TTF2: variants seen among roughly 807,000 people sequenced by gnomAD.
The protein encoded by TTF2 is transcription termination factor 2, also known as RNA polymerase II termination factor.
In TTF2, 108 loss-of-function variants were observed where a neutral mutation model predicts 142.4. That is an observed-to-expected ratio of 0.76 (90% CI 0.65 to 0.89). The LOEUF is 0.89. Among genes scored for constraint, TTF2 ranks in the 40% least tolerant of loss-of-function variants. TTF2 has a pLI of 0.00. For synonymous variants in TTF2, 483 were observed against 506.2 expected (o/e 0.95, Z 0.61); for missense variants, 1,327 against 1,379.8 (o/e 0.96, Z 0.61).
Position 117,070,010 on chromosome 1 carries a change from G to T in TTF2, c.219-3651G>T, listed in dbSNP as rs1051893545. On this transcript the variant is annotated intron_variant, in intron 3 of 22. Transcript: ENST00000369466. This position sits in a 1 kb window ranked among gnomAD's most constrained non-coding sequence, Gnocchi z 4.2. ...AAAATATATTTCCACTGCATTCTTT[G>T]TTGATTTACAATATAATAAAACGTA... Among the ~76,000 whole-genome samples the T allele has an allele frequency of 2.1e-4, 32 of 152,116 alleles. No homozygotes were observed. The highest frequency in any genetic ancestry group is 1.4e-3 in the South Asian group (7 of 4,830).
chr1:117,071,094 A>G (rs772499920), intron 3 of TTF2, among the ~76,000 whole-genome samples: 1 of 152,206 alleles, frequency 6.6e-6, no homozygotes, highest in Non-Finnish European at 1.5e-5. Flanking sequence ...CTAATAAAGA[A>G]AATCAGAGGC....
Position 117,090,439 on chromosome 1 carries a change from G to A in TTF2, c.2497-93G>A, listed in dbSNP as rs1648466024. 4.7e-6 allele frequency: 6 copies of A among 1,264,924 alleles called. No homozygotes were observed. Among genetic ancestry groups the A allele is most frequent in the Non-Finnish European group, 6.8e-6 (6 of 885,792 alleles). The allele number at this position is 1,264,924 out of a possible 1,614,324, so 78.4% of individuals were successfully genotyped here. A position where few individuals can be genotyped will look rare whatever the true frequency, so the allele number is the denominator to read the frequency against. On this transcript the variant is annotated intron_variant, in intron 14 of 22. Transcript: ENST00000369466. The surrounding 1 kb of genome is among the most constrained non-coding windows in gnomAD (Gnocchi z 4.8). The stretch of plus-strand genomic sequence containing the variant: ...AGGGTGGAAGCTGCATTCCAGGGTT[G>A]ACTAGATATGCAGTGTCAGTATGGG...
In TTF2 at chr1:117,101,584, TAAC is replaced by T; in HGVS notation, c.*64_*66del. The stretch of plus-strand genomic sequence containing the variant: ...GCTGGTTTGTATTAGGATCTGGGAA[TAAC>T]AACCTAACCATGAGCCTTGAACTCT... On this transcript the variant is annotated 3_prime_UTR_variant, in exon 23 of 23. Transcript: ENST00000369466. The surrounding 1 kb of genome is among the most constrained non-coding windows in gnomAD (Gnocchi z 5.9). The T allele has an allele frequency of 6.8e-7, 1 of 1,460,246 alleles. No homozygotes were observed. The highest frequency in any genetic ancestry group is 2.4e-5 in the East Asian group (1 of 41,300). The allele number at this position is 1,460,246 out of a possible 1,614,324, so 90.5% of individuals were successfully genotyped here. A position where few individuals can be genotyped will look rare whatever the true frequency, so the allele number is the denominator to read the frequency against.
At position 117,060,624 on chromosome 1, in the gene TTF2, C is replaced by T. The variant is rs1046774994; in HGVS notation, c.131+67C>T. The T allele has an allele frequency of 1.3e-5, 19 of 1,489,422 alleles. No individual in the cohort carries two copies. In the Admixed American group the frequency reaches 4.1e-4, roughly 32 times the overall value. The allele number at this position is 1,489,422 out of a possible 1,614,324, so 92.3% of individuals were successfully genotyped here. ...GCCTCCCGAGAGGAGCTTCCCGCTC[C>T]CCGCTGTCGGGCGTCACAGGGCCGA... On this transcript the variant is annotated intron_variant, in intron 2 of 22. Transcript: ENST00000369466.
chr1:117,066,415 A>G (rs1196677299), intron 3 of TTF2, among the ~76,000 whole-genome samples: 2 of 152,124 alleles, frequency 1.3e-5, no homozygotes, highest in Non-Finnish European at 2.9e-5. Context: ...GATGAGATGT[A>G]TTTCCTGGTA....
Position 117,086,476 on chromosome 1 carries a change from C to A in TTF2, c.2114C>A (p.Thr705Lys). 6.2e-7 allele frequency: 1 copy of A among 1,614,114 alleles called. No individual in the cohort carries two copies. The highest frequency in any genetic ancestry group is 1.3e-5 in the African/African-American group (1 of 75,038). Residue 705 changes from threonine to lysine, a missense_variant, in exon 12 of 23, where the codon ACA becomes AAA. By Grantham distance (78) the Thr-to-Lys change is moderately conservative. Coordinates refer to ENST00000369466, the MANE Select transcript of TTF2 (RefSeq NM_003594.4). This position sits in a 1 kb window ranked among gnomAD's most constrained non-coding sequence, Gnocchi z 4.2. ...TYSLVAKEIP[T>K]NKQEAEIPGA... ...AGCCTCGTGGCCAAGGAGATTCCCA[C>A]AAACAAGCAAGAGGCAGAGATCCCA... is the stretch of plus-strand genomic sequence containing the variant.
Position 117,096,295 on chromosome 1 carries a change from C to G in TTF2, c.3182C>G (p.Pro1061Arg), listed in dbSNP as rs771080229. ...GAGGCATTTAACCACTCCAGAGGCC[C>G]TCAGGTACAAGCTGGTCACATCAGA... ...LVEAFNHSRG[P>R]QVMLISLLAG... The change falls in exon 20 of 23, where the codon CCT becomes CGT. Residue 1061 changes from proline to arginine, a missense_variant. Physicochemically the swap from Pro to Arg is moderately radical, Grantham distance 103. Coordinates refer to ENST00000369466, the MANE Select transcript of TTF2 (RefSeq NM_003594.4). 6.2e-7 allele frequency: 1 copy of G among 1,613,980 alleles called. No individual in the cohort carries two copies. Among genetic ancestry groups the G allele is most frequent in the Admixed American group, 1.7e-5 (1 of 59,994 alleles).
rs367792724 is a variant in TTF2, at chr1:117,081,823, T to A, written c.1784-5T>A. 2 of 1,610,414 alleles carry A rather than the reference T, an allele frequency of 1.2e-6. No individual in the cohort carries two copies. Among genetic ancestry groups the A allele is most frequent in the Non-Finnish European group, 1.7e-6 (2 of 1,178,670 alleles). On this transcript the variant is annotated splice_polypyrimidine_tract_variant and splice_region_variant and intron_variant, in intron 9 of 22. Coordinates refer to ENST00000369466, the MANE Select transcript of TTF2 (RefSeq NM_003594.4). ...AACTCTCTTAATTTTGCTTTTATTTTCTAGCAGATGATATGGGCTTAGGAA... is the reference window on the plus strand; with the variant it reads ...AACTCTCTTAATTTTGCTTTTATTTACTAGCAGATGATATGGGCTTAGGAA...
rs566364743 is a variant in TTF2 at position 117,095,426 on chromosome 1, T to C, written c.3035+59T>C. 5.8e-5 allele frequency: 88 copies of C among 1,508,812 alleles called. 1 individual carries two copies. In the South Asian group the frequency reaches 7.5e-4, roughly 13 times the overall value. The allele number at this position is 1,508,812 out of a possible 1,614,324, so 93.5% of individuals were successfully genotyped here. A position where few individuals can be genotyped will look rare whatever the true frequency, so the allele number is the denominator to read the frequency against. On this transcript the variant is annotated intron_variant, in intron 19 of 22. Coordinates refer to ENST00000369466, the MANE Select transcript of TTF2 (RefSeq NM_003594.4). Reference sequence around the variant, plus strand: ...CATAATTATGTGAGAAAATTTGATATTGCCAAGAGTTATAAATCAAGGACT... The same window carrying C: ...CATAATTATGTGAGAAAATTTGATACTGCCAAGAGTTATAAATCAAGGACT...
chr1:117,094,803 C>T (rs956662024), intron 18 of TTF2: 21 of 369,388 alleles, frequency 5.7e-5, no homozygotes, highest in East Asian at 8.1e-5. Flanking sequence ...TGACAAGGAC[C>T]GTGATAATAG....
Position 117,103,975 on chromosome 1 carries a change from G to A in TTF2, c.*2451G>A, listed in dbSNP as rs914217446. The A allele has an allele frequency of 2.0e-5, 3 of 148,816 alleles. No individual in the cohort carries two copies. The highest frequency in any genetic ancestry group is 6.7e-5 in the Admixed American group (1 of 14,826). The allele number at this position is 148,816 out of a possible 1,614,324, so 9.2% of individuals were successfully genotyped here. ...TCAAAAAAAAAAAAAAAAAAAAAGA[G>A]AGAGAAAAAAATCCTTACTTTCTCT... is the stretch of plus-strand genomic sequence containing the variant. On this transcript the variant is annotated 3_prime_UTR_variant, in exon 23 of 23. Transcript: ENST00000369466.
chr1:117,075,180 G>A lies in TTF2; in HGVS notation c.596G>A (p.Gly199Glu), dbSNP rs1242664480. The A allele has an allele frequency of 6.2e-7, 1 of 1,614,054 alleles. No individual in the cohort carries two copies. The highest frequency in any genetic ancestry group is 2.2e-5 in the East Asian group (1 of 44,894). The change falls in exon 5 of 23, where the codon GGA becomes GAA. Residue 199 changes from glycine to glutamate, a missense_variant. By Grantham distance (98) the Gly-to-Glu change is moderately conservative. Coordinates refer to ENST00000369466, the MANE Select transcript of TTF2 (RefSeq NM_003594.4). The surrounding 1 kb of genome is among the most constrained non-coding windows in gnomAD (Gnocchi z 4.5). The stretch of plus-strand genomic sequence containing the variant: ...GTTCAAGAGAAGAAGCAAGAAGAGG[G>A]AGCAGAGATTCAGTGTGAGGCAGAG... ...SVVQEKKQEEGAEIQCEAETG... is the reference protein window; with the variant it reads ...SVVQEKKQEEEAEIQCEAETG...
chr1:117,065,348 T>C (rs6668254), intron 3 of TTF2, among the ~76,000 whole-genome samples: 8,439 of 152,268 alleles, frequency 0.055, 360 homozygotes, highest in African/African-American at 0.11. Flanking sequence ...GCGGCAATCC[T>C]AGCACTTTGG....
At position 117,103,272 on chromosome 1, in the gene TTF2, T is replaced by C. The variant is rs1649728057; in HGVS notation, c.*1748T>C. 6.6e-6 allele frequency: 1 copy of C among 152,214 alleles called. No homozygotes were observed. Among genetic ancestry groups the C allele is most frequent in the Non-Finnish European group, 1.5e-5 (1 of 68,042 alleles). The allele number at this position is 152,214 out of a possible 1,614,324, so 9.4% of individuals were successfully genotyped here. On this transcript the variant is annotated 3_prime_UTR_variant, in exon 23 of 23. Coordinates refer to ENST00000369466, the MANE Select transcript of TTF2 (RefSeq NM_003594.4). ...TATGACATGATCAAGGAATCTTTTTTTTTAAGCTACTGAGATTTCTGTGTT... is the reference window on the plus strand; with the variant it reads ...TATGACATGATCAAGGAATCTTTTTCTTTAAGCTACTGAGATTTCTGTGTT...
In TTF2 at chr1:117,092,049, C is replaced by G; in HGVS notation, c.2805+99C>G. 7.8e-6 allele frequency: 10 copies of G among 1,288,346 alleles called. No individual in the cohort carries two copies. The highest frequency in any genetic ancestry group is 2.5e-5 in the Admixed American group (1 of 40,778). 79.8% of individuals were successfully genotyped at this position (1,288,346 alleles called of 1,614,324 possible). The stretch of plus-strand genomic sequence containing the variant: ...CCAACTGGAATCCAGTCTGCTTGAT[C>G]AAAGGAAATGCTGTTTCGGTTTTTC... On this transcript the variant is annotated intron_variant, in intron 17 of 22. Transcript: ENST00000369466. The surrounding 1 kb of genome is among the most constrained non-coding windows in gnomAD (Gnocchi z 4.4).
In TTF2 at chr1:117,075,572, G is replaced by T. The variant is rs752510212; in HGVS notation, c.988G>T (p.Ala330Ser). 3.1e-6 allele frequency: 5 copies of T among 1,614,164 alleles called. No homozygotes were observed. The highest frequency in any genetic ancestry group is 4.2e-6 in the Non-Finnish European group (5 of 1,180,026). The change falls in exon 5 of 23, where the codon GCT (alanine) becomes TCT (serine). Residue 330 changes from alanine to serine, a missense_variant. Coordinates refer to ENST00000369466, the MANE Select transcript of TTF2 (RefSeq NM_003594.4). The surrounding 1 kb of genome is among the most constrained non-coding windows in gnomAD (Gnocchi z 4.5). ...TGTGCCTGCTCCTGGAGGACCAGCG[G>T]CTCAGGCTGCACCAGCAGCACCAGG... ...HSVPAPGGPAAQAAPAAPGLS... is the reference protein window; with the variant it reads ...HSVPAPGGPASQAAPAAPGLS...
At chr1:117,064,508 TTTTGTTTG>T (rs145922216) in intron 3 of TTF2, among the ~76,000 whole-genome samples, 4 of 151,432 alleles carry the variant, frequency 2.6e-5, no homozygotes, top group African/African-American at 9.7e-5. Flanking sequence ...ATAGTTTTAT[TTTTGTTTG>T]TTTGTTTGTT....
At position 117,087,707 on chromosome 1, in the gene TTF2, C is replaced by T. The variant is rs1648150830; in HGVS notation, c.2161-1094C>T. On this transcript the variant is annotated intron_variant, in intron 12 of 22. Coordinates refer to ENST00000369466, the MANE Select transcript of TTF2 (RefSeq NM_003594.4). This position sits in a 1 kb window ranked among gnomAD's most constrained non-coding sequence, Gnocchi z 4.8. ...CATACCAAGGGATCTGTAGTTCCCA[C>T]CATGCTCTGTCACAGTGTTGTGTCT... Among the ~76,000 whole-genome samples the T allele has an allele frequency of 6.6e-6, 1 of 152,194 alleles. No homozygotes were observed. Among genetic ancestry groups the T allele is most frequent in the Non-Finnish European group, 1.5e-5 (1 of 68,036 alleles).
rs913272141 is a variant in TTF2, at chr1:117,086,767, A to G, written c.2160+245A>G. Among the ~76,000 whole-genome samples the G allele has an allele frequency of 6.6e-6, 1 of 152,156 alleles. No homozygotes were observed. On this transcript the variant is annotated intron_variant, in intron 12 of 22. Coordinates refer to ENST00000369466, the MANE Select transcript of TTF2 (RefSeq NM_003594.4). The surrounding 1 kb of genome is among the most constrained non-coding windows in gnomAD (Gnocchi z 4.2). ...GCCTTTTAGAATGAAAGATGACTGC[A>G]TTGTATTTGTGGGGGTAATAATCAC...
Sources: allele counts gnomAD v4.1 joint callset (sites outside exome capture counted in the v4.1 genomes callset), GRCh38; gene constraint gnomAD v4.1.1; non-coding constraint Gnocchi (gnomAD v3.1); transcripts MANE v1.5; gene names NCBI Gene and HGNC (gene_info 2026-07-23, HGNC 2026-07-21).